ASTN2: variants seen among roughly 807,000 people sequenced by gnomAD.
The protein encoded by ASTN2 is astrotactin 2, also known as astrotactin-2.
ASTN2 carries 54 observed loss-of-function variants against 139.8 expected under a neutral mutation model. That is an observed-to-expected ratio of 0.39 (90% CI 0.31 to 0.48). ASTN2 has a LOEUF of 0.48. Ranked by LOEUF, ASTN2 falls within the 20% of genes least tolerant of loss-of-function variation. The pLI, the probability that ASTN2 is intolerant of heterozygous loss-of-function variation, is 0.95. For synonymous variants in ASTN2, 756 were observed against 719.5 expected (o/e 1.05, Z -0.81); for missense variants, 1,565 against 1,725.1 (o/e 0.91, Z 1.64).
chr9:116,462,771 G>A (rs1848527392), intron 20 of ASTN2, among the ~76,000 whole-genome samples: 2 of 144,710 alleles, frequency 1.4e-5, no homozygotes, highest in Non-Finnish European at 3.0e-5. Context: ...CTCTTTAAGG[G>A]TAAGTGTTGG....
At chr9:116,625,202 G>A (rs769033968) in intron 17 of ASTN2, among the ~76,000 whole-genome samples, 3 of 152,068 alleles carry the variant, frequency 2.0e-5, no homozygotes, top group Non-Finnish European at 2.9e-5. Context: ...AGGCCGAGGC[G>A]GGTGGATCAC....
Position 116,946,936 on chromosome 9 carries a change from CA to C in ASTN2, c.1889+28271del, listed in dbSNP as rs3983292. Among the ~76,000 whole-genome samples the C allele has an allele frequency of 1.4e-4, 18 of 127,918 alleles. 1 individual carries two copies. In the South Asian group the frequency reaches 1.6e-3, roughly 11 times the overall value. 83.9% of individuals were successfully genotyped at this position (127,918 alleles called of 152,430 possible). A position where few individuals can be genotyped will look rare whatever the true frequency, so the allele number is the denominator to read the frequency against. ...AGTGGCCACAAGTACACATTTTTGT[CA>C]AAAAAAAAAAAAAACAACCCAGATT... is the stretch of plus-strand genomic sequence containing the variant. On this transcript the variant is annotated intron_variant, in intron 10 of 22. Coordinates refer to ENST00000313400, the MANE Select transcript of ASTN2 (RefSeq NM_001365068.1).
chr9:117,351,922 T>A (rs2130881555), intron 1 of ASTN2, among the ~76,000 whole-genome samples: 1 of 152,300 alleles, frequency 6.6e-6, no homozygotes, highest in Non-Finnish European at 1.5e-5. Flanking sequence ...AAGCTTTTAG[T>A]CACGTGAGTT....
chr9:116,502,800 A>G (rs953220343), intron 19 of ASTN2, among the ~76,000 whole-genome samples: 8 of 147,730 alleles, frequency 5.4e-5, no homozygotes, highest in African/African-American at 2.0e-4. Context: ...GAAAAAAGGA[A>G]GGAGGTAGAA....
rs1588268668 is a variant in ASTN2, at chr9:116,757,255, G to A, written c.2397-23732C>T. ...CAGGAAACCAGCACTTACCCGGAGT[G>A]CCTTCCTGCTCTGTCAGCAATCCAG... is the stretch of plus-strand genomic sequence containing the variant. On this transcript the variant is annotated intron_variant, in intron 13 of 22. Coordinates refer to ENST00000313400, the MANE Select transcript of ASTN2 (RefSeq NM_001365068.1). 2.6e-5 allele frequency among the ~76,000 whole-genome samples: 4 copies of A among 152,304 alleles called. No individual in the cohort carries two copies. The East Asian group carries it at 5.8e-4, about 22-fold the overall frequency.
chr9:116,796,745 A>T (rs1163445347), intron 13 of ASTN2, among the ~76,000 whole-genome samples: 1 of 152,198 alleles, frequency 6.6e-6, no homozygotes, highest in African/African-American at 2.4e-5. Context: ...GAGATCTATT[A>T]CATAGTATAG....
At chr9:116,553,597 G>C (rs1181922561) in intron 19 of ASTN2, among the ~76,000 whole-genome samples, 2 of 152,176 alleles carry the variant, frequency 1.3e-5, no homozygotes, top group Non-Finnish European at 2.9e-5. Context: ...AAAGTGCATT[G>C]GCTTGGGGAT....
intron 3 of ASTN2, among the ~76,000 whole-genome samples, chr9:117,170,631 CCT>C (rs1160471042): frequency 6.6e-6 from 1 of 151,978 alleles, no homozygotes; most frequent in Non-Finnish European, 1.5e-5. Context: ...CCTGGGGAGA[CCT>C]TATGGGGAAA....
intron 2 of ASTN2, among the ~76,000 whole-genome samples, chr9:117,275,535 G>T (rs1834164945): frequency 6.7e-6 from 1 of 149,750 alleles, no homozygotes; most frequent in African/African-American, 2.5e-5. Flanking sequence ...CTGTGGGTGT[G>T]CTTTCACTGA....
intron 19 of ASTN2, among the ~76,000 whole-genome samples, chr9:116,553,570 GCT>G (rs746469266): frequency 1.3e-5 from 2 of 152,200 alleles, no homozygotes; most frequent in Non-Finnish European, 2.9e-5. Flanking sequence ...TAAGCATGTA[GCT>G]CTGAGATGTA....
At chr9:116,674,218 G>A (rs1008499914) in intron 16 of ASTN2, among the ~76,000 whole-genome samples, 5 of 152,156 alleles carry the variant, frequency 3.3e-5, no homozygotes, top group African/African-American at 1.2e-4. Context: ...TGCACTTGAT[G>A]GATCAGCTGG....
intron 16 of ASTN2, among the ~76,000 whole-genome samples, chr9:116,659,693 A>G (rs759009018): frequency 1.6e-4 from 25 of 151,852 alleles, no homozygotes; most frequent in Non-Finnish European, 2.8e-4. Flanking sequence ...AATGCCCCCA[A>G]TCTCCTCCAC....
intron 17 of ASTN2, among the ~76,000 whole-genome samples, chr9:116,621,696 T>C (rs889087683): frequency 1.3e-5 from 2 of 152,220 alleles, no homozygotes; most frequent in Non-Finnish European, 2.9e-5. Flanking sequence ...CTTATTCACA[T>C]GAATATTCCT....
At chr9:116,674,995 G>A (rs1052985814) in intron 16 of ASTN2, among the ~76,000 whole-genome samples, 30 of 152,060 alleles carry the variant, frequency 2.0e-4, no homozygotes, top group Admixed American at 6.6e-4. Context: ...TTGATGAATC[G>A]GCTCTGTCTA....
chr9:116,905,733 C>T (rs1834137295), intron 10 of ASTN2, among the ~76,000 whole-genome samples: 1 of 152,084 alleles, frequency 6.6e-6, no homozygotes, highest in South Asian at 2.1e-4. Context: ...GAAGGTGAGG[C>T]TCAAATTTAG....
intron 13 of ASTN2, among the ~76,000 whole-genome samples, chr9:116,770,775 C>T (rs375429165): frequency 5.9e-5 from 9 of 152,224 alleles, no homozygotes; most frequent in East Asian, 3.9e-4. Flanking sequence ...GAGTACCCTA[C>T]GGAAAAGCCA....
intron 19 of ASTN2, among the ~76,000 whole-genome samples, chr9:116,598,386 A>G (rs1854696559): frequency 6.6e-6 from 1 of 152,212 alleles, no homozygotes; most frequent in African/African-American, 2.4e-5. Flanking sequence ...GACTCAGGGG[A>G]AGTTCCTTCA....
At chr9:117,213,155 A>C (rs894547699) in intron 3 of ASTN2, among the ~76,000 whole-genome samples, 2 of 152,228 alleles carry the variant, frequency 1.3e-5, no homozygotes, top group African/African-American at 4.8e-5. Context: ...ACTGAAGAAC[A>C]TTATATTAAG....
intron 19 of ASTN2, among the ~76,000 whole-genome samples, chr9:116,588,841 A>G (rs753476575): frequency 3.9e-5 from 6 of 152,212 alleles, no homozygotes; most frequent in Admixed American, 2.0e-4. Context: ...TTAGCAACAC[A>G]GACAAGGTAA....
Sources: allele counts gnomAD v4.1 joint callset (sites outside exome capture counted in the v4.1 genomes callset), GRCh38; gene constraint gnomAD v4.1.1; transcripts MANE v1.5; gene names NCBI Gene and HGNC (gene_info 2026-07-23, HGNC 2026-07-21).